The following RTL8A variants were observed in gnomAD, a reference collection of about 807,000 sequenced individuals.
The protein encoded by RTL8A is retrotransposon Gag-like protein 8A.
RTL8A carries 4 observed loss-of-function variants against 4.4 expected under a neutral mutation model. The observed-to-expected ratio is 0.92, with a 90% CI of 0.45 to 2.10. RTL8A has a LOEUF of 2.10. Ranked by LOEUF, RTL8A falls within the 30% of genes most tolerant of loss-of-function variation. The pLI, the probability that RTL8A is intolerant of heterozygous loss-of-function variation, is 0.03. For synonymous variants in RTL8A, 47 were observed against 45.3 expected (o/e 1.04, Z -0.15); for missense variants, 84 against 99.4 (o/e 0.85, Z 0.66).
In RTL8A at chrX:135,051,501, T is replaced by A; in HGVS notation, c.*266A>T. On this transcript the variant is annotated 3_prime_UTR_variant, in exon 1 of 1. Transcript: ENST00000370775. ...CCTGAAGTGCAGGACAGCGTCCAAA[T>A]GTGCATGGAGGGGCTGGGCTGGCAA... 5 of 1,127,287 alleles carry A rather than the reference T, an allele frequency of 4.4e-6. No homozygotes were observed. The highest frequency in any genetic ancestry group is 5.9e-6 in the Non-Finnish European group (5 of 847,444). The allele number at this position is 1,127,287 out of a possible 1,213,427, so 92.9% of individuals were successfully genotyped here.
chrX:135,051,347 C>T lies in RTL8A; in HGVS notation c.*420G>A. The T allele has an allele frequency of 2.0e-6, 2 of 998,760 alleles. No homozygotes were observed. Among genetic ancestry groups the T allele is most frequent in the South Asian group, 2.0e-5 (1 of 50,645 alleles). 82.3% of individuals were successfully genotyped at this position (998,760 alleles called of 1,213,427 possible). On this transcript the variant is annotated 3_prime_UTR_variant, in exon 1 of 1. Transcript: ENST00000370775. ...TCTGTTGGTGAGATGCGGTGGATGGCGATGGCAGTGGTAGCGTAGGTCTGT... is the reference window on the plus strand; with the variant it reads ...TCTGTTGGTGAGATGCGGTGGATGGTGATGGCAGTGGTAGCGTAGGTCTGT...
rs767763466 is a variant in RTL8A, at chrX:135,052,110, G to C, written c.-2C>G. 1 of 1,192,465 alleles carries C rather than the reference G, an allele frequency of 8.4e-7. No homozygotes were observed. The highest frequency in any genetic ancestry group is 1.1e-6 in the Non-Finnish European group (1 of 886,110). Reference sequence around the variant, plus strand: ...CATCAGCTGCACCCGACCGTCCATCGTGCCGCGCGCGCTCCGCGGAGTTTC... The same window carrying C: ...CATCAGCTGCACCCGACCGTCCATCCTGCCGCGCGCGCTCCGCGGAGTTTC... On this transcript the variant is annotated 5_prime_UTR_variant, in exon 1 of 1. Coordinates refer to ENST00000370775, the MANE Select transcript of RTL8A (RefSeq NM_001078172.2).
Position 135,051,229 on chromosome X carries a change from C to A in RTL8A, c.*538G>T. 1.1e-6 allele frequency: 1 copy of A among 878,284 alleles called. No individual in the cohort carries two copies. The highest frequency in any genetic ancestry group is 1.5e-6 in the Non-Finnish European group (1 of 659,697). The allele number at this position is 878,284 out of a possible 1,213,427, so 72.4% of individuals were successfully genotyped here. On this transcript the variant is annotated 3_prime_UTR_variant, in exon 1 of 1. Transcript: ENST00000370775. The stretch of plus-strand genomic sequence containing the variant: ...TGGGTCTCGCTGAAGGTGACAGGCT[C>A]CTTGGGGGACGGCCAGCTGTCTGGA...
Position 135,051,153 on chromosome X carries a change from C to A in RTL8A, c.*614G>T. 2.5e-6 allele frequency: 1 copy of A among 395,931 alleles called. No individual in the cohort carries two copies. Among genetic ancestry groups the A allele is most frequent in the Non-Finnish European group, 4.4e-6 (1 of 226,919 alleles). The allele number at this position is 395,931 out of a possible 1,213,427, so 32.6% of individuals were successfully genotyped here. The stretch of plus-strand genomic sequence containing the variant: ...TTTGGTTGCCAGGCACACTTAAGCC[C>A]TGGCAGCTATGTGGCAGGAACACAA... On this transcript the variant is annotated 3_prime_UTR_variant, in exon 1 of 1. Coordinates refer to ENST00000370775, the MANE Select transcript of RTL8A (RefSeq NM_001078172.2).
Position 135,051,479 on chromosome X carries a change from G to A in RTL8A, c.*288C>T, listed in dbSNP as rs1017177432. 8.9e-7 allele frequency: 1 copy of A among 1,121,579 alleles called. No individual in the cohort carries two copies. Among genetic ancestry groups the A allele is most frequent in the African/African-American group, 1.8e-5 (1 of 55,089 alleles). 92.4% of individuals were successfully genotyped at this position (1,121,579 alleles called of 1,213,427 possible). On this transcript the variant is annotated 3_prime_UTR_variant, in exon 1 of 1. Transcript: ENST00000370775. ...TGTAACAGGAGCCCAGCTTGCACCT[G>A]AAGTGCAGGACAGCGTCCAAATGTG... is the stretch of plus-strand genomic sequence containing the variant.
In RTL8A at chrX:135,051,226, G is replaced by C; in HGVS notation, c.*541C>G. ...AAATGGGTCTCGCTGAAGGTGACAG[G>C]CTCCTTGGGGGACGGCCAGCTGTCT... On this transcript the variant is annotated 3_prime_UTR_variant, in exon 1 of 1. Transcript: ENST00000370775. 1.2e-6 allele frequency: 1 copy of C among 852,090 alleles called. No homozygotes were observed. The allele number at this position is 852,090 out of a possible 1,213,427, so 70.2% of individuals were successfully genotyped here. A position where few individuals can be genotyped will look rare whatever the true frequency, so the allele number is the denominator to read the frequency against.
chrX:135,051,572 A>G lies in RTL8A; in HGVS notation c.*195T>C. The G allele has an allele frequency of 3.6e-6, 4 of 1,118,082 alleles. No homozygotes were observed. The highest frequency in any genetic ancestry group is 4.7e-6 in the Non-Finnish European group (4 of 847,902). 92.1% of individuals were successfully genotyped at this position (1,118,082 alleles called of 1,213,427 possible). A position where few individuals can be genotyped will look rare whatever the true frequency, so the allele number is the denominator to read the frequency against. On this transcript the variant is annotated 3_prime_UTR_variant, in exon 1 of 1. Transcript: ENST00000370775. ...CTCTAGAGTGCGGCCCAGGAGCTGC[A>G]GCAGGAGCCTGGAGCGCTATTCCTG...
rs1310029128 is a variant in RTL8A, at chrX:135,052,114, C to G, written c.-6G>C. The G allele has an allele frequency of 8.4e-7, 1 of 1,190,378 alleles. No individual in the cohort carries two copies. ...AGCTGCACCCGACCGTCCATCGTGCCGCGCGCGCTCCGCGGAGTTTCGCTG... is the reference window on the plus strand; with the variant it reads ...AGCTGCACCCGACCGTCCATCGTGCGGCGCGCGCTCCGCGGAGTTTCGCTG... On this transcript the variant is annotated 5_prime_UTR_variant, in exon 1 of 1. Coordinates refer to ENST00000370775, the MANE Select transcript of RTL8A (RefSeq NM_001078172.2).
chrX:135,051,843 G>A lies in RTL8A; in HGVS notation c.266C>T (p.Pro89Leu). 2 of 1,206,331 alleles carry A rather than the reference G, an allele frequency of 1.7e-6. No individual in the cohort carries two copies. The highest frequency in any genetic ancestry group is 2.2e-6 in the Non-Finnish European group (2 of 892,308). Residue 89 changes from proline (P) to leucine (L), a missense_variant, in exon 1 of 1, where the codon CCC becomes CTC. Transcript: ENST00000370775. ...WVIPYIRKES[P>L]LLNDYRGFLA... ...GAAGCCCCGGTAATCATTGAGCAGG[G>A]GGCTCTCCTTCCTGATGTAGGGGAT...
rs1207671322 is a variant in RTL8A, at chrX:135,051,212, G to A, written c.*555C>T. Reference sequence around the variant, plus strand: ...TGGGGATGGGGAGGAAATGGGTCTCGCTGAAGGTGACAGGCTCCTTGGGGG... The same window carrying A: ...TGGGGATGGGGAGGAAATGGGTCTCACTGAAGGTGACAGGCTCCTTGGGGG... On this transcript the variant is annotated 3_prime_UTR_variant, in exon 1 of 1. Transcript: ENST00000370775. 4.0e-6 allele frequency: 3 copies of A among 757,617 alleles called. No individual in the cohort carries two copies. The highest frequency in any genetic ancestry group is 8.1e-5 in the East Asian group (1 of 12,373). The allele number at this position is 757,617 out of a possible 1,213,427, so 62.4% of individuals were successfully genotyped here. A position where few individuals can be genotyped will look rare whatever the true frequency, so the allele number is the denominator to read the frequency against.
Position 135,051,376 on chromosome X carries a change from C to T in RTL8A, c.*391G>A. On this transcript the variant is annotated 3_prime_UTR_variant, in exon 1 of 1. Coordinates refer to ENST00000370775, the MANE Select transcript of RTL8A (RefSeq NM_001078172.2). ...GGCAGTGGTAGCGTAGGTCTGTGGG[C>T]AGAATGATGTAGTTGGCTGGCAGTC... The T allele has an allele frequency of 9.8e-7, 1 of 1,020,080 alleles. No individual in the cohort carries two copies. The highest frequency in any genetic ancestry group is 1.3e-6 in the Non-Finnish European group (1 of 779,914). 84.1% of individuals were successfully genotyped at this position (1,020,080 alleles called of 1,213,427 possible).
Position 135,051,053 on chromosome X carries a change from G to C in RTL8A, c.*714C>G, listed in dbSNP as rs1235771002. 3.8e-6 allele frequency: 1 copy of C among 266,526 alleles called. No homozygotes were observed. Among genetic ancestry groups the C allele is most frequent in the Non-Finnish European group, 7.3e-6 (1 of 137,508 alleles). 22.0% of individuals were successfully genotyped at this position (266,526 alleles called of 1,213,427 possible). A position where few individuals can be genotyped will look rare whatever the true frequency, so the allele number is the denominator to read the frequency against. On this transcript the variant is annotated 3_prime_UTR_variant, in exon 1 of 1. Transcript: ENST00000370775. ...TTGAACAAAAGGCACCCATCAGAGA[G>C]ACAGCTGCAAATTCAGAAGAAAACA...
rs2083335695 is a variant in RTL8A, at chrX:135,051,308, A to G, written c.*459T>C. ...GATACCTCCGAGGTGAGTCCACATC[A>G]CTAGGAGCCACAGTCTGTTGGTGAG... On this transcript the variant is annotated 3_prime_UTR_variant, in exon 1 of 1. Coordinates refer to ENST00000370775, the MANE Select transcript of RTL8A (RefSeq NM_001078172.2). The G allele has an allele frequency of 1.0e-6, 1 of 988,300 alleles. No homozygotes were observed. Among genetic ancestry groups the G allele is most frequent in the African/African-American group, 2.0e-5 (1 of 50,919 alleles). 81.4% of individuals were successfully genotyped at this position (988,300 alleles called of 1,213,427 possible).
rs779210625 is a variant in RTL8A, at chrX:135,051,800, C to A, written c.309G>T (p.Arg103=). The A allele has an allele frequency of 8.3e-7, 1 of 1,204,958 alleles. No homozygotes were observed. Among genetic ancestry groups the A allele is most frequent in the Non-Finnish European group, 1.1e-6 (1 of 891,928 alleles). Residue 103 remains arginine (R), a synonymous_variant, in exon 1 of 1, where the codon CGG becomes CGT. Transcript: ENST00000370775. ...CCTCGTCCTCCTCCCATCCAAAGAC[C>A]CGCTTCATCTCGGCCAGGAAGCCCC... ...DYRGFLAEMK[R]VFGWEEDEDF is the part of the protein sequence containing the mutation.
rs1375342203 is a variant in RTL8A at position 135,051,105 on chromosome X, A to G, written c.*662T>C. On this transcript the variant is annotated 3_prime_UTR_variant, in exon 1 of 1. Transcript: ENST00000370775. ...GATTCTAGGCAAAACTAACTGGTCC[A>G]CAGGAGAAAATGAGAGATTCGATTT... The G allele has an allele frequency of 3.5e-6, 1 of 289,600 alleles. No homozygotes were observed. The highest frequency in any genetic ancestry group is 1.0e-4 in the East Asian group (1 of 9,764). 23.9% of individuals were successfully genotyped at this position (289,600 alleles called of 1,213,427 possible).
At position 135,051,693 on chromosome X, in the gene RTL8A, A is replaced by C; in HGVS notation, c.*74T>G. 18 of 1,162,711 alleles carry C rather than the reference A, an allele frequency of 1.5e-5. No individual in the cohort carries two copies. The highest frequency in any genetic ancestry group is 1.5e-5 in the Non-Finnish European group (13 of 874,334). ...AGGCGCGGAGGGAGGGCGCCTGTGGAGACCCTAGCGGTGGCCACTGGCACA... is the reference window on the plus strand; with the variant it reads ...AGGCGCGGAGGGAGGGCGCCTGTGGCGACCCTAGCGGTGGCCACTGGCACA... On this transcript the variant is annotated 3_prime_UTR_variant, in exon 1 of 1. Coordinates refer to ENST00000370775, the MANE Select transcript of RTL8A (RefSeq NM_001078172.2).
In RTL8A at chrX:135,051,545, C is replaced by T. The variant is rs2083337698; in HGVS notation, c.*222G>A. Reference sequence around the variant, plus strand: ...CTGGCAAAAGAGGGCGGAGGCAGCGCGCTCTAGAGTGCGGCCCAGGAGCTG... The same window carrying T: ...CTGGCAAAAGAGGGCGGAGGCAGCGTGCTCTAGAGTGCGGCCCAGGAGCTG... On this transcript the variant is annotated 3_prime_UTR_variant, in exon 1 of 1. Transcript: ENST00000370775. The T allele has an allele frequency of 8.9e-7, 1 of 1,122,051 alleles. No individual in the cohort carries two copies. The highest frequency in any genetic ancestry group is 2.2e-5 in the South Asian group (1 of 46,120). 92.5% of individuals were successfully genotyped at this position (1,122,051 alleles called of 1,213,427 possible). A position where few individuals can be genotyped will look rare whatever the true frequency, so the allele number is the denominator to read the frequency against.
chrX:135,051,282 G>A lies in RTL8A; in HGVS notation c.*485C>T, dbSNP rs1603267373. The A allele has an allele frequency of 3.1e-6, 3 of 981,479 alleles. No homozygotes were observed. In the South Asian group the frequency reaches 5.9e-5, roughly 19 times the overall value. The allele number at this position is 981,479 out of a possible 1,213,427, so 80.9% of individuals were successfully genotyped here. A position where few individuals can be genotyped will look rare whatever the true frequency, so the allele number is the denominator to read the frequency against. ...ACTGTCCAGGGGCTGTGTCCAGCTCGGATACCTCCGAGGTGAGTCCACATC... is the reference window on the plus strand; with the variant it reads ...ACTGTCCAGGGGCTGTGTCCAGCTCAGATACCTCCGAGGTGAGTCCACATC... On this transcript the variant is annotated 3_prime_UTR_variant, in exon 1 of 1. Coordinates refer to ENST00000370775, the MANE Select transcript of RTL8A (RefSeq NM_001078172.2).
Position 135,051,117 on chromosome X carries a change from G to A in RTL8A, c.*650C>T, listed in dbSNP as rs1399523469. 3.4e-6 allele frequency: 1 copy of A among 298,180 alleles called. No individual in the cohort carries two copies. Among genetic ancestry groups the A allele is most frequent in the East Asian group, 1.0e-4 (1 of 9,754 alleles). The allele number at this position is 298,180 out of a possible 1,213,427, so 24.6% of individuals were successfully genotyped here. A position where few individuals can be genotyped will look rare whatever the true frequency, so the allele number is the denominator to read the frequency against. ...AACTAACTGGTCCACAGGAGAAAAT[G>A]AGAGATTCGATTTGGTTGCCAGGCA... On this transcript the variant is annotated 3_prime_UTR_variant, in exon 1 of 1. Transcript: ENST00000370775.
Sources: allele counts gnomAD v4.1 joint callset, GRCh38; gene constraint gnomAD v4.1.1; transcripts MANE v1.5; gene names NCBI Gene and HGNC (gene_info 2026-07-23, HGNC 2026-07-21).